Variants in NAALADL2 observed in about 807,000 individuals in gnomAD.
NAALADL2 encodes the protein inactive N-acetylated-alpha-linked acidic dipeptidase-like protein 2.
NAALADL2 carries 76 observed loss-of-function variants against 87.2 expected under a neutral mutation model. The ratio of observed to expected loss-of-function variants is 0.87; its 90% CI spans 0.72 to 1.05. The LOEUF (loss-of-function observed/expected upper bound fraction) is 1.05, where lower values mean the gene tolerates loss of function less well. Among genes scored for constraint, NAALADL2 ranks in the 50% least tolerant of loss-of-function variants. The pLI, the probability that NAALADL2 is intolerant of heterozygous loss-of-function variation, is 0.00. For synonymous variants in NAALADL2, 354 were observed against 331.0 expected, an observed-to-expected ratio of 1.07 and a Z score of -0.75; for missense variants, 1,089 against 945.8, an observed-to-expected ratio of 1.15 and a Z score of -1.99.
At chr3:175,275,248 C>T (rs1487772835) in intron 4 of NAALADL2, among the ~76,000 whole-genome samples, 2 of 151,996 alleles carry the variant, frequency 1.3e-5, no homozygotes, top group African/African-American at 4.8e-5. Context: ...AAAAAGTAAA[C>T]CCAGACAATT....
chr3:174,858,275 G>C (rs1726083019), upstream of NAALADL2, among the ~76,000 whole-genome samples: 1 of 151,100 alleles, frequency 6.6e-6, no homozygotes, highest in Admixed American at 6.6e-5. Flanking sequence ...AGGATTTCTA[G>C]AGGGAAGAAA....
At chr3:174,991,572 G>A (rs1366439000) in intron 1 of NAALADL2, among the ~76,000 whole-genome samples, 3 of 151,800 alleles carry the variant, frequency 2.0e-5, no homozygotes, top group South Asian at 2.1e-4. Flanking sequence ...GAAACTCATC[G>A]CCCTATGTAC....
In NAALADL2 at chr3:174,568,854, T is replaced by A. The variant is rs1008948723; in HGVS notation, c.-115+18217T>A. Among the ~76,000 whole-genome samples, 6 of 151,634 alleles carry A rather than the reference T, an allele frequency of 4.0e-5. No homozygotes were observed. The East Asian group carries it at 1.2e-3, about 29-fold the overall frequency. ...TTTTTTAAAATTATTATTCTTTTTTTAAGAATATTTTAGAATTTTAGAATA... is the reference window on the plus strand; with the variant it reads ...TTTTTTAAAATTATTATTCTTTTTTAAAGAATATTTTAGAATTTTAGAATA... On this transcript the variant is annotated intron_variant, in intron 2 of 3. Transcript: ENST00000434257.
At chr3:174,698,671 C>T (rs949253288) in intron 2 of NAALADL2, among the ~76,000 whole-genome samples, 3 of 120,182 alleles carry the variant, frequency 2.5e-5, no homozygotes, top group Admixed American at 9.2e-5. Context: ...GAGACCATCC[C>T]GGCTAAAATG....
chr3:174,464,023 G>A (rs370636780), intron 1 of NAALADL2, among the ~76,000 whole-genome samples: 4 of 152,018 alleles, frequency 2.6e-5, no homozygotes, highest in East Asian at 3.9e-4. Flanking sequence ...CTGAATCACT[G>A]GAAGTTAAAG....
intron 2 of NAALADL2, among the ~76,000 whole-genome samples, chr3:174,635,818 A>T (rs57232863): frequency 0.048 from 7,323 of 152,084 alleles, 611 homozygotes; most frequent in African/African-American, 0.17. Context: ...TCACATTGTT[A>T]TTGTTTACTA....
chr3:175,216,369 G>C (rs547291830), intron 2 of NAALADL2, among the ~76,000 whole-genome samples: 1 of 152,086 alleles, frequency 6.6e-6, no homozygotes, highest in African/African-American at 2.4e-5. Flanking sequence ...ACTTAATGAG[G>C]CTTTAAGAGA....
intron 2 of NAALADL2, among the ~76,000 whole-genome samples, chr3:174,630,201 G>A (rs973478682): frequency 2.0e-5 from 3 of 152,002 alleles, no homozygotes; most frequent in Non-Finnish European, 4.4e-5. Flanking sequence ...ATTAAAGCAT[G>A]ATTTTCATTA....
Position 175,585,698 on chromosome 3 carries a change from C to T in NAALADL2, c.1800+9511C>T, listed in dbSNP as rs1451039810. On this transcript the variant is annotated intron_variant, in intron 10 of 13. Transcript: ENST00000454872. ...TATAGGAAAAATATGATAAAATCAA[C>T]CTACTCTAAACATGAGTATTTAGTT... is the stretch of plus-strand genomic sequence containing the variant. Among the ~76,000 whole-genome samples the T allele has an allele frequency of 2.6e-5, 4 of 152,062 alleles. No homozygotes were observed. In the East Asian group the frequency reaches 7.7e-4, roughly 29 times the overall value.
chr3:175,281,117 A>T (rs918164504), intron 4 of NAALADL2, among the ~76,000 whole-genome samples: 37 of 150,272 alleles, frequency 2.5e-4, no homozygotes, highest in African/African-American at 8.0e-4. Context: ...AAACTTAAAA[A>T]AAATATATAT....
At chr3:175,134,612 G>A (rs1728809851) in intron 2 of NAALADL2, among the ~76,000 whole-genome samples, 2 of 152,090 alleles carry the variant, frequency 1.3e-5, no homozygotes, top group Non-Finnish European at 2.9e-5. Context: ...AAAAAATACA[G>A]CAGAGTATAG....
At position 175,082,923 on chromosome 3, in the gene NAALADL2, A is replaced by T. The variant is rs562894636; in HGVS notation, c.44-13867A>T. Among the ~76,000 whole-genome samples, 19 of 152,322 alleles carry T rather than the reference A, an allele frequency of 1.2e-4. No individual in the cohort carries two copies. In the South Asian group the frequency reaches 3.5e-3, roughly 28 times the overall value. ...CATAGCTAAATGGATTTTTCTGGATAGATTCCTTTCAAAATGTATTATGTA... is the reference window on the plus strand; with the variant it reads ...CATAGCTAAATGGATTTTTCTGGATTGATTCCTTTCAAAATGTATTATGTA... On this transcript the variant is annotated intron_variant, in intron 1 of 13. Transcript: ENST00000454872.
At chr3:175,153,037 A>T (rs927781386) in intron 2 of NAALADL2, among the ~76,000 whole-genome samples, 2 of 152,124 alleles carry the variant, frequency 1.3e-5, no homozygotes, top group African/African-American at 4.8e-5. Flanking sequence ...TCTAACATTG[A>T]TATGCATACC....
At chr3:175,478,789 G>A (rs921609666) in intron 9 of NAALADL2, among the ~76,000 whole-genome samples, 8 of 151,758 alleles carry the variant, frequency 5.3e-5, no homozygotes, top group Non-Finnish European at 8.8e-5. Context: ...CTGTTGGGAG[G>A]TTAGATAAAA....
intron 2 of NAALADL2, among the ~76,000 whole-genome samples, chr3:175,216,204 A>G (rs1048442882): frequency 1.3e-5 from 2 of 152,142 alleles, no homozygotes; most frequent in Non-Finnish European, 2.9e-5. Context: ...CCAATTTTGA[A>G]TATTATGTAC....
At chr3:175,661,985 G>A (rs554764305) in intron 11 of NAALADL2, among the ~76,000 whole-genome samples, 1 of 151,810 alleles carries the variant, frequency 6.6e-6, no homozygotes, top group African/African-American at 2.4e-5. Flanking sequence ...GGTGTCTTTT[G>A]TGGTTCCATA....
intron 1 of NAALADL2, among the ~76,000 whole-genome samples, chr3:174,913,144 A>G (rs2108310646): frequency 1.3e-5 from 2 of 152,296 alleles, no homozygotes; most frequent in South Asian, 4.1e-4. Context: ...ATTATGACTT[A>G]TTGGTATGAA....
At chr3:175,617,429 C>T (rs1405733288) in intron 10 of NAALADL2, among the ~76,000 whole-genome samples, 1 of 152,136 alleles carries the variant, frequency 6.6e-6, no homozygotes, top group Non-Finnish European at 1.5e-5. Flanking sequence ...CCAGTTGTCC[C>T]CATCACAGAT....
rs189448353 is a variant in NAALADL2 at position 174,869,041 on chromosome 3, C to T, written c.43+9591C>T. 3.0e-3 allele frequency among the ~76,000 whole-genome samples: 452 copies of T among 151,956 alleles called. 4 individuals are homozygous for T. The highest frequency in any genetic ancestry group is 0.025 in the Admixed American group (384 of 15,246). The stretch of plus-strand genomic sequence containing the variant: ...TGGGAGAGAGAGAAGATAAAGATGA[C>T]GGAGTTTTCAGAGGAATTCATGCTG... On this transcript the variant is annotated intron_variant, in intron 1 of 13. Transcript: ENST00000454872.
Sources: allele counts gnomAD v4.1 joint callset (sites outside exome capture counted in the v4.1 genomes callset), GRCh38; gene constraint gnomAD v4.1.1; transcripts MANE v1.5; gene names NCBI Gene and HGNC (gene_info 2026-07-23, HGNC 2026-07-21).